Variants in GNAI2 observed in about 807,000 individuals in gnomAD.
GNAI2 encodes G protein subunit alpha i2.
In GNAI2, 4 loss-of-function variants were observed where a neutral mutation model predicts 36.8. The ratio of observed to expected loss-of-function variants is 0.11; its 90% CI spans 0.05 to 0.25. GNAI2 has a LOEUF of 0.25. Among genes scored for constraint, GNAI2 ranks in the 10% least tolerant of loss-of-function variants. The probability of loss-of-function intolerance (pLI) is 1.00; values close to 1 mark genes in which losing one functional copy is unlikely to be tolerated. For missense variants in GNAI2, 230 were observed against 481.3 expected (o/e 0.48, Z 4.89); for synonymous variants, 194 against 194.1 (o/e 1.00, Z 0.01).
intron 1 of GNAI2, among the ~76,000 whole-genome samples, chr3:50,245,255 C>T (rs928631677): frequency 3.3e-5 from 5 of 152,202 alleles, no homozygotes; most frequent in East Asian, 3.9e-4. Flanking sequence ...ACCTCAGCCT[C>T]CCAAAGTGCT....
Position 50,253,137 on chromosome 3 carries a change from C to G in GNAI2, c.417C>G (p.Ala139=). 6.2e-7 allele frequency: 1 copy of G among 1,613,596 alleles called. No individual in the cohort carries two copies. Among genetic ancestry groups the G allele is most frequent in the Non-Finnish European group, 8.5e-7 (1 of 1,179,734 alleles). ...RRLWADHGVQ[A]CFGRSREYQL... ...TCTGGGCTGACCATGGTGTGCAGGC[C>G]TGCTTTGGCCGCTCAAGGGAATACC... Residue 139 remains alanine (A), a synonymous_variant, in exon 4 of 9, where the codon GCC becomes GCG. Transcript: ENST00000313601. This position sits in a 1 kb window ranked among gnomAD's most constrained non-coding sequence, Gnocchi z 4.2.
rs1553700698 is a variant in GNAI2 at position 50,238,938 on chromosome 3, T to A, written c.118+2485T>A. Among the ~76,000 whole-genome samples the A allele has an allele frequency of 6.6e-6, 1 of 152,162 alleles. No homozygotes were observed. The highest frequency in any genetic ancestry group is 2.4e-5 in the African/African-American group (1 of 41,436). On this transcript the variant is annotated intron_variant, in intron 1 of 8. Coordinates refer to ENST00000313601, the MANE Select transcript of GNAI2 (RefSeq NM_002070.4). This position sits in a 1 kb window ranked among gnomAD's most constrained non-coding sequence, Gnocchi z 5.0. ...CCGCCCGCACACCGCCTCCCTCCCA[T>A]CTTGGGTAGCCCTGCCAGCAGGCAG...
chr3:50,257,814 G>C, intron 8 of GNAI2, 100 bp downstream of exon 8: 2 of 532,094 alleles, frequency 3.8e-6, no homozygotes, highest in Non-Finnish European at 3.3e-6. Context: ...GAACCTGGAG[G>C]GGGAGGGGCA....
At chr3:50,239,307 T>C (rs75535492) in intron 1 of GNAI2, among the ~76,000 whole-genome samples, 2,376 of 152,320 alleles carry the variant, frequency 0.016, 65 homozygotes, top group African/African-American at 0.054. Flanking sequence ...TGGAACTTTG[T>C]GTGTGTTGTT....
In GNAI2 at chr3:50,255,318, A is replaced by G. The variant is rs1553703009; in HGVS notation, c.465-874A>G. On this transcript the variant is annotated intron_variant, in intron 4 of 8. Transcript: ENST00000313601. This position sits in a 1 kb window ranked among gnomAD's most constrained non-coding sequence, Gnocchi z 4.0. ...TGCAGGGGTAGCCTTGATACTAATT[A>G]AGGGAACTGGTAATGAGGAGCCCCT... is the stretch of plus-strand genomic sequence containing the variant. 6.6e-6 allele frequency among the ~76,000 whole-genome samples: 1 copy of G among 152,076 alleles called. No homozygotes were observed. The highest frequency in any genetic ancestry group is 2.4e-5 in the African/African-American group (1 of 41,416).
Position 50,256,708 on chromosome 3 carries a change from G to T in GNAI2, c.594-15G>T. On this transcript the variant is annotated splice_polypyrimidine_tract_variant and intron_variant, in intron 5 of 8. Transcript: ENST00000313601. ...CAGGCTCCCTTCCTGGAACTAAGGT[G>T]ATCTATATCTGCAGGATGTTTGATG... The T allele has an allele frequency of 6.2e-7, 1 of 1,613,506 alleles. No homozygotes were observed. Among genetic ancestry groups the T allele is most frequent in the South Asian group, 1.1e-5 (1 of 91,068 alleles).
chr3:50,252,954 AG>A lies in GNAI2; in HGVS notation c.304-68del. The A allele has an allele frequency of 7.7e-7, 1 of 1,293,018 alleles. No homozygotes were observed. The highest frequency in any genetic ancestry group is 1.1e-6 in the Non-Finnish European group (1 of 927,130). 80.1% of individuals were successfully genotyped at this position (1,293,018 alleles called of 1,614,324 possible). A position where few individuals can be genotyped will look rare whatever the true frequency, so the allele number is the denominator to read the frequency against. ...TACCCTAGCCTGGGCCCCATTCCAG[AG>A]GTCTCCCTGCCTCTGGCAGAGTGGG... On this transcript the variant is annotated intron_variant, in intron 3 of 8. Coordinates refer to ENST00000313601, the MANE Select transcript of GNAI2 (RefSeq NM_002070.4). The surrounding 1 kb of genome is among the most constrained non-coding windows in gnomAD (Gnocchi z 4.1).
At chr3:50,228,889 C>T (rs947727120), upstream of GNAI2, among the ~76,000 whole-genome samples, 3 of 152,202 alleles carry the variant, frequency 2.0e-5, no homozygotes, top group Non-Finnish European at 4.4e-5. Context: ...CAGAGCGATG[C>T]TTGTGCGTCC....
intron 7 of GNAI2, 114 bp downstream of exon 7, chr3:50,257,204 C>CA: frequency 1.1e-6 from 1 of 877,588 alleles, no homozygotes; most frequent in South Asian, 1.6e-5. Flanking sequence ...AACCTTGGAA[C>CA]ACTGGCAGGG....
chr3:50,231,196 T>C (rs1700060112), intron 1 of GNAI2, among the ~76,000 whole-genome samples: 1 of 152,210 alleles, frequency 6.6e-6, no homozygotes, highest in Admixed American at 6.5e-5. Context: ...ACTATTGGTT[T>C]CTCTTTTCTC....
At chr3:50,257,436 GCA>G in intron 7 of GNAI2, 62 bp from the exon 8 acceptor site, 1 of 1,121,214 alleles carries the variant, frequency 8.9e-7, no homozygotes, top group Non-Finnish European at 1.3e-6. Context: ...GACCCTTGCT[GCA>G]CACGTAGGAT....
At chr3:50,251,717 C>T (rs781941951) in intron 1 of GNAI2, 7 of 1,337,660 alleles carry the variant, frequency 5.2e-6, no homozygotes, top group Non-Finnish European at 6.9e-6. Context: ...GCCCAGGGCA[C>T]CATATTGGCA....
chr3:50,246,803 C>A, intron 1 of GNAI2: 1 of 849,874 alleles, frequency 1.2e-6, no homozygotes. Flanking sequence ...AGCAGTGAGG[C>A]TCCTGGGCAG....
At chr3:50,234,506 C>T (rs1179731884), upstream of GNAI2, among the ~76,000 whole-genome samples, 1 of 152,160 alleles carries the variant, frequency 6.6e-6, no homozygotes, top group Non-Finnish European at 1.5e-5. Flanking sequence ...TGCCCACCAC[C>T]ACACCCCGCT....
upstream of GNAI2, among the ~76,000 whole-genome samples, chr3:50,228,884 C>G (rs778517303): frequency 6.6e-6 from 1 of 152,190 alleles, no homozygotes; most frequent in South Asian, 2.1e-4. Flanking sequence ...ACAGGCAGAG[C>G]GATGCTTGTG....
intron 5 of GNAI2, 116 bp downstream of exon 5, chr3:50,256,436 T>C (rs935631141): frequency 1.8e-5 from 18 of 999,642 alleles, no homozygotes; most frequent in Non-Finnish European, 2.7e-5. Context: ...GGCTCATGTG[T>C]TCTGGGCAAG....
chr3:50,257,829 G>A, intron 8 of GNAI2, 115 bp downstream of exon 8: 2 of 582,308 alleles, frequency 3.4e-6, no homozygotes, highest in Non-Finnish European at 6.0e-6. Context: ...GGGGCAATAG[G>A]TGACCAGGGG....
chr3:50,257,967 C>G (rs72932925), intron 8 of GNAI2: 4,733 of 373,600 alleles, frequency 0.013, 205 homozygotes, highest in African/African-American at 0.09. Flanking sequence ...TGCCCTGGGA[C>G]AGAACCAGAG....
At chr3:50,250,749 G>T (rs587747382) in intron 1 of GNAI2, among the ~76,000 whole-genome samples, 1 of 151,980 alleles carries the variant, frequency 6.6e-6, no homozygotes, top group Non-Finnish European at 1.5e-5. Context: ...GGTAATACAG[G>T]CTCCTGGGCT....
Sources: gnomAD v4.1 joint callset for allele counts (sites outside exome capture counted in the v4.1 genomes callset) on GRCh38, gnomAD v4.1.1 for gene constraint, Gnocchi (gnomAD v3.1) non-coding constraint, MANE v1.5 for transcripts, NCBI Gene and HGNC (gene_info 2026-07-23, HGNC 2026-07-21) for gene names.